The following AP3B1 variants were observed in gnomAD, a reference collection of about 807,000 sequenced individuals.
The protein encoded by AP3B1 is AP-3 complex subunit beta-1.
A neutral mutation model predicts 132.5 loss-of-function variants in AP3B1; 61 were observed. The observed-to-expected ratio is 0.46, with a 90% CI of 0.37 to 0.57. AP3B1 has a LOEUF of 0.57. Ranked by LOEUF, AP3B1 falls within the 20% of genes least tolerant of loss-of-function variation. AP3B1 has a pLI of 0.00. For synonymous variants in AP3B1, 388 were observed against 438.3 expected (o/e 0.89, Z 1.43); for missense variants, 1,120 against 1,289.4 (o/e 0.87, Z 2.01).
chr5:78,109,829 C>T (rs905748139), intron 20 of AP3B1, among the ~76,000 whole-genome samples: 5 of 152,046 alleles, frequency 3.3e-5, no homozygotes. Flanking sequence ...TTAATTGAAG[C>T]CTTAAAACAC....
At chr5:78,181,988 C>G (rs1744392546) in intron 7 of AP3B1, among the ~76,000 whole-genome samples, 1 of 152,112 alleles carries the variant, frequency 6.6e-6, no homozygotes, top group Admixed American at 6.5e-5. Flanking sequence ...GCCTATAATA[C>G]TACCTAAAAC....
intron 6 of AP3B1, among the ~76,000 whole-genome samples, chr5:78,216,618 A>G (rs566547837): frequency 6.6e-6 from 1 of 152,306 alleles, no homozygotes; most frequent in African/African-American, 2.4e-5. Context: ...AAAAAGAATC[A>G]AGACAATAAC....
chr5:78,256,085 A>G (rs1747834869), intron 2 of AP3B1, among the ~76,000 whole-genome samples: 1 of 152,066 alleles, frequency 6.6e-6, no homozygotes, highest in African/African-American at 2.4e-5. Context: ...AAAAACTTCA[A>G]AAGCACAATC....
At position 78,247,508 on chromosome 5, in the gene AP3B1, G is replaced by GTT. The variant is rs1014030717; in HGVS notation, c.205-6574_205-6573dup. On this transcript the variant is annotated intron_variant, in intron 2 of 26. Transcript: ENST00000255194. The stretch of plus-strand genomic sequence containing the variant: ...CAATCTTTCCTGTCAGTTCTAACAG[G>GTT]TTTTTTTTTTTACTCCGTTTTTGAA... Among the ~76,000 whole-genome samples, 5 of 145,498 alleles carry GTT rather than the reference G, an allele frequency of 3.4e-5. No individual in the cohort carries two copies. The East Asian group carries it at 7.9e-4, about 23-fold the overall frequency.
intron 13 of AP3B1, 122 bp from the exon 14 acceptor site, chr5:78,156,489 T>C (rs533949342): frequency 2.5e-5 from 19 of 755,576 alleles, no homozygotes; most frequent in African/African-American, 1.2e-4. Context: ...TAAAAGACTA[T>C]GTGAAAGCAT....
At chr5:78,031,266 T>C (rs1747564612) in intron 24 of AP3B1, among the ~76,000 whole-genome samples, 1 of 152,198 alleles carries the variant, frequency 6.6e-6, no homozygotes, top group Non-Finnish European at 1.5e-5. Context: ...TTTTTATAAG[T>C]GGACGAGATA....
At chr5:78,216,834 T>A (rs568168677) in intron 6 of AP3B1, among the ~76,000 whole-genome samples, 17 of 152,256 alleles carry the variant, frequency 1.1e-4, no homozygotes, top group Middle Eastern at 3.4e-3. Flanking sequence ...TGGGCTCTTA[T>A]CACTTTCATA....
intron 26 of AP3B1, among the ~76,000 whole-genome samples, chr5:78,005,144 T>TCG (rs1400236758): frequency 6.6e-6 from 1 of 152,220 alleles, no homozygotes; most frequent in Non-Finnish European, 1.5e-5. Context: ...TCCCACAGAT[T>TCG]CGGTCATCAC....
At chr5:78,010,763 C>CCATTCAAA (rs1211936631) in intron 26 of AP3B1, among the ~76,000 whole-genome samples, 3 of 152,158 alleles carry the variant, frequency 2.0e-5, no homozygotes, top group Admixed American at 6.5e-5. Flanking sequence ...CATTCATATA[C>CCATTCAAA]TGGTTTAATG....
chr5:78,052,520 C>T (rs1289808906), intron 22 of AP3B1, among the ~76,000 whole-genome samples: 2 of 152,122 alleles, frequency 1.3e-5, no homozygotes, highest in African/African-American at 4.8e-5. Flanking sequence ...TACAGCTTTA[C>T]TGGAACACAG....
At chr5:78,179,790 A>T (rs1260134204) in intron 8 of AP3B1, among the ~76,000 whole-genome samples, 1 of 152,156 alleles carries the variant, frequency 6.6e-6, no homozygotes, top group Non-Finnish European at 1.5e-5. Context: ...GGTTAAAAAA[A>T]AATCTATCCA....
At chr5:78,277,089 A>G (rs990841389) in intron 1 of AP3B1, among the ~76,000 whole-genome samples, 6 of 152,222 alleles carry the variant, frequency 3.9e-5, no homozygotes, top group African/African-American at 1.2e-4. Context: ...TAACTTATTT[A>G]GCTACCTGGT....
intron 15 of AP3B1, among the ~76,000 whole-genome samples, chr5:78,130,445 C>T (rs1179340230): frequency 6.6e-6 from 1 of 151,890 alleles, no homozygotes; most frequent in Non-Finnish European, 1.5e-5. Flanking sequence ...AGAAAGCAAC[C>T]TTATTTCAGT....
At chr5:78,096,660 G>A (rs1435071071) in intron 21 of AP3B1, among the ~76,000 whole-genome samples, 51 of 151,002 alleles carry the variant, frequency 3.4e-4, no homozygotes, top group African/African-American at 1.0e-3. Flanking sequence ...CTGCCCGGCC[G>A]CGACTCCGTC....
At chr5:78,159,704 A>C (rs1460756339) in intron 13 of AP3B1, among the ~76,000 whole-genome samples, 1 of 152,172 alleles carries the variant, frequency 6.6e-6, no homozygotes, top group Admixed American at 6.5e-5. Context: ...TTTTCCACGT[A>C]AGGTAACATA....
intron 26 of AP3B1, among the ~76,000 whole-genome samples, chr5:78,014,492 A>G (rs1444419877): frequency 6.6e-6 from 1 of 152,202 alleles, no homozygotes; most frequent in Non-Finnish European, 1.5e-5. Context: ...TGGCAGAGTT[A>G]GATCTAAAAC....
chr5:78,150,775 A>ATT (rs901586814), intron 14 of AP3B1, among the ~76,000 whole-genome samples: 2 of 150,550 alleles, frequency 1.3e-5, no homozygotes, highest in African/African-American at 4.9e-5. Context: ...TTATTTATTT[A>ATT]TTTTTTTTTT....
intron 7 of AP3B1, among the ~76,000 whole-genome samples, chr5:78,194,381 T>G (rs1744996972): frequency 6.6e-6 from 1 of 152,204 alleles, no homozygotes; most frequent in Admixed American, 6.5e-5. Context: ...AAAAAATCAA[T>G]TATTATACAT....
intron 21 of AP3B1, among the ~76,000 whole-genome samples, chr5:78,097,429 G>A (rs1469061391): frequency 1.5e-5 from 2 of 134,292 alleles, no homozygotes; most frequent in East Asian, 2.4e-4. Context: ...CGGGAGGTGA[G>A]GGGTGCCTCT....
Sources: allele counts gnomAD v4.1 joint callset (sites outside exome capture counted in the v4.1 genomes callset), GRCh38; gene constraint gnomAD v4.1.1; transcripts MANE v1.5; gene names NCBI Gene and HGNC (gene_info 2026-07-23, HGNC 2026-07-21).